Variants in POLD3 observed in about 807,000 individuals in gnomAD.
POLD3 encodes the protein DNA polymerase delta subunit 3.
A neutral mutation model predicts 58.2 loss-of-function variants in POLD3; 19 were observed. The observed-to-expected ratio is 0.33, with a 90% CI of 0.23 to 0.48. The LOEUF is 0.48. Ranked by LOEUF, POLD3 falls within the 20% of genes least tolerant of loss-of-function variation. The probability of loss-of-function intolerance (pLI) is 0.99; values close to 1 mark genes in which losing one functional copy is unlikely to be tolerated. For missense variants in POLD3, 504 were observed against 545.5 expected, an observed-to-expected ratio of 0.92 and a Z score of 0.76; for synonymous variants, 172 against 193.5, an observed-to-expected ratio of 0.89 and a Z score of 0.92.
chr11:74,649,102 G>A (rs2033036862), intron 4 of POLD3, among the ~76,000 whole-genome samples: 1 of 152,124 alleles, frequency 6.6e-6, no homozygotes, highest in Non-Finnish European at 1.5e-5. Flanking sequence ...AAGGATTCAT[G>A]TAGGCCATTC....
At position 74,592,734 on chromosome 11, in the gene POLD3, T is replaced by C; in HGVS notation, c.60+16T>C. ...AAACAAGATCGTGAGCAGCTACTAC[T>C]GGGGAACGCGGGCGTGCGACCGGGG... On this transcript the variant is annotated intron_variant, in intron 1 of 11. Coordinates refer to ENST00000263681, the MANE Select transcript of POLD3 (RefSeq NM_006591.3). 6.2e-7 allele frequency: 1 copy of C among 1,613,852 alleles called. No homozygotes were observed. The highest frequency in any genetic ancestry group is 8.5e-7 in the Non-Finnish European group (1 of 1,179,862).
intron 1 of POLD3, chr11:74,593,145 T>G (rs559169997): frequency 1.6e-6 from 1 of 621,540 alleles, no homozygotes. Flanking sequence ...TCCTGGAAAT[T>G]TAAGCATTGA....
chr11:74,626,849 A>G (rs1375218523), intron 8 of POLD3, among the ~76,000 whole-genome samples: 3 of 152,170 alleles, frequency 2.0e-5, no homozygotes, highest in Admixed American at 6.5e-5. Flanking sequence ...GCCTAGTGAC[A>G]TCATAGCTGT....
chr11:74,600,908 G>A lies in POLD3; in HGVS notation c.117-3784G>A, dbSNP rs143747454. Among the ~76,000 whole-genome samples the A allele has an allele frequency of 8.3e-3, 1,259 of 152,006 alleles. 13 individuals are homozygous for A. The highest frequency in any genetic ancestry group is 0.029 in the African/African-American group (1,197 of 41,494). ...CTAATTTTGTATTTTTAATAGAGAC[G>A]AGGTTTCTCTATGTTGGTTAGGCTG... On this transcript the variant is annotated intron_variant, in intron 2 of 11. Coordinates refer to ENST00000263681, the MANE Select transcript of POLD3 (RefSeq NM_006591.3).
intron 2 of POLD3, among the ~76,000 whole-genome samples, chr11:74,595,947 A>G (rs945945359): frequency 6.6e-6 from 1 of 151,068 alleles, no homozygotes; most frequent in African/African-American, 2.4e-5. Flanking sequence ...ATTGCTGATG[A>G]AGTCCAATTT....
At chr11:74,647,691 C>T (rs2033016960), downstream of POLD3, among the ~76,000 whole-genome samples, 1 of 152,166 alleles carries the variant, frequency 6.6e-6, no homozygotes, top group South Asian at 2.1e-4. Context: ...TCTCTGCCTT[C>T]CTGGAACTGA....
At chr11:74,632,877 TACACACACACACACACACACACACAC>T (rs71036003) in intron 9 of POLD3, among the ~76,000 whole-genome samples, 5 of 115,730 alleles carry the variant, frequency 4.3e-5, no homozygotes, top group Non-Finnish European at 4.9e-5. Flanking sequence ...TTTAAGTAAA[TACACACACACACACACACACACACAC>T]ACACACACAC....
At chr11:74,621,528 C>T (rs1180243929) in intron 7 of POLD3, among the ~76,000 whole-genome samples, 6 of 139,622 alleles carry the variant, frequency 4.3e-5, no homozygotes, top group Non-Finnish European at 7.7e-5. Context: ...ACCTGCCTGG[C>T]TGTTATGGTT....
At chr11:74,655,042 G>T (rs2033116064) in intron 4 of POLD3, among the ~76,000 whole-genome samples, 2 of 152,226 alleles carry the variant, frequency 1.3e-5, no homozygotes, top group Admixed American at 6.5e-5. Flanking sequence ...ATGCACACAG[G>T]TAGAGGAAAT....
intron 4 of POLD3, among the ~76,000 whole-genome samples, chr11:74,651,212 C>G (rs2033065079): frequency 6.6e-6 from 1 of 152,184 alleles, no homozygotes; most frequent in Admixed American, 6.5e-5. Context: ...ATAGTAGGCT[C>G]TTAGAAAATA....
intron 4 of POLD3, among the ~76,000 whole-genome samples, chr11:74,659,004 CT>C (rs971437712): frequency 2.0e-5 from 3 of 152,248 alleles, no homozygotes; most frequent in African/African-American, 7.2e-5. Context: ...TCACACTTCC[CT>C]TCTGTACTGC....
chr11:74,593,446 C>A (rs1238909714), intron 1 of POLD3, among the ~76,000 whole-genome samples: 2 of 152,198 alleles, frequency 1.3e-5, no homozygotes, highest in Non-Finnish European at 2.9e-5. Context: ...CTGCCTTTGC[C>A]TAACCTGTGC....
At chr11:74,647,881 A>G (rs7130195), downstream of POLD3, among the ~76,000 whole-genome samples, 42,058 of 152,000 alleles carry the variant, frequency 0.28, 6,354 homozygotes, top group South Asian at 0.42. Flanking sequence ...TGCTATAATT[A>G]TATTATAATA....
intron 7 of POLD3, among the ~76,000 whole-genome samples, chr11:74,623,798 CAAAA>C (rs2135157544): frequency 6.6e-6 from 1 of 152,098 alleles, no homozygotes; most frequent in East Asian, 1.9e-4. Context: ...ATTCAGGTAA[CAAAA>C]AAAGTCATTA....
intron 2 of POLD3, among the ~76,000 whole-genome samples, chr11:74,602,278 A>G (rs987791393): frequency 6.6e-6 from 1 of 152,182 alleles, no homozygotes; most frequent in African/African-American, 2.4e-5. Context: ...ATTATGTTTC[A>G]GACAAGACTC....
Position 74,640,735 on chromosome 11 carries a change from T to C in POLD3, c.1370T>C (p.Val457Ala). The change falls in exon 12 of 12, where the codon GTG becomes GCG. Residue 457 changes from valine to alanine, a missense_variant. Val to Ala is a moderately conservative substitution (Grantham distance 64, BLOSUM62 0). Transcript: ENST00000263681. ...GCTCTGGGCAAAGCCAACAGACAGG[T>C]GTCCATTACTGGCTTCTTCCAGAGG... ...TAALGKANRQ[V>A]SITGFFQRK The C allele has an allele frequency of 6.2e-7, 1 of 1,602,758 alleles. No individual in the cohort carries two copies. The highest frequency in any genetic ancestry group is 8.5e-7 in the Non-Finnish European group (1 of 1,176,244).
At chr11:74,618,199 A>G (rs1427559103) in intron 5 of POLD3, among the ~76,000 whole-genome samples, 1 of 149,990 alleles carries the variant, frequency 6.7e-6, no homozygotes, top group African/African-American at 2.5e-5. Flanking sequence ...TGTTGGTTGC[A>G]TTCCTACTCT....
At chr11:74,599,440 C>G (rs1241106157) in intron 2 of POLD3, among the ~76,000 whole-genome samples, 1 of 151,166 alleles carries the variant, frequency 6.6e-6, no homozygotes, top group Non-Finnish European at 1.5e-5. Flanking sequence ...ACTCAGCTCA[C>G]TGCAACCTCC....
chr11:74,594,052 T>C lies in POLD3; in HGVS notation c.61-9T>C, dbSNP rs1379063617. On this transcript the variant is annotated splice_polypyrimidine_tract_variant and intron_variant, in intron 1 of 11. Transcript: ENST00000263681. ...AATAAAACATTTGAAAAATTTTTTCTTGTTACAGGTGACATACAAATGGCT... is the reference window on the plus strand; with the variant it reads ...AATAAAACATTTGAAAAATTTTTTCCTGTTACAGGTGACATACAAATGGCT... The C allele has an allele frequency of 3.2e-6, 5 of 1,576,674 alleles. No homozygotes were observed. The Admixed American group carries it at 8.4e-5, about 26-fold the overall frequency.
Sources: gnomAD v4.1 joint callset for allele counts (sites outside exome capture counted in the v4.1 genomes callset) on GRCh38, gnomAD v4.1.1 for gene constraint, MANE v1.5 for transcripts, NCBI Gene and HGNC (gene_info 2026-07-23, HGNC 2026-07-21) for gene names.